NRG1: variants seen among roughly 807,000 people sequenced by gnomAD.
NRG1 encodes the protein neuregulin 1.
A neutral mutation model predicts 63.8 loss-of-function variants in NRG1; 18 were observed. That is an observed-to-expected ratio of 0.28 (90% confidence interval 0.19 to 0.42). The LOEUF is 0.42. NRG1 is among the 10% of genes least tolerant of loss of function. NRG1 has a pLI of 1.00. For missense variants in NRG1, 762 were observed against 814.7 expected, an observed-to-expected ratio of 0.94 and a Z score of 0.79; for synonymous variants, 302 against 301.3, an observed-to-expected ratio of 1.00 and a Z score of -0.02.
At chr8:31,863,483 C>G (rs562457050) in intron 1 of NRG1, among the ~76,000 whole-genome samples, 12 of 152,166 alleles carry the variant, frequency 7.9e-5, no homozygotes, top group African/African-American at 2.7e-4. Context: ...ATCACTGAAC[C>G]TGTATCCTAC....
chr8:32,647,778 A>C, intron 5 of NRG1: 1 of 1,611,178 alleles, frequency 6.2e-7, no homozygotes, highest in Non-Finnish European at 8.5e-7. Context: ...CAGCCCCTCC[A>C]CTCAGCTGAG....
At chr8:31,644,685 T>A (rs557220591) in intron 1 of NRG1, among the ~76,000 whole-genome samples, 2 of 152,270 alleles carry the variant, frequency 1.3e-5, no homozygotes, top group African/African-American at 2.4e-5. Flanking sequence ...CTTCCGGAAA[T>A]CTCCTTTGCT....
chr8:32,496,832 A>G (rs914253935), intron 1 of NRG1, among the ~76,000 whole-genome samples: 1 of 152,192 alleles, frequency 6.6e-6, no homozygotes, highest in Non-Finnish European at 1.5e-5. Flanking sequence ...TGTCTATATT[A>G]GAAATTAAAT....
chr8:31,768,082 C>T (rs1465857665), intron 1 of NRG1, among the ~76,000 whole-genome samples: 2 of 152,062 alleles, frequency 1.3e-5, no homozygotes, highest in Non-Finnish European at 2.9e-5. Flanking sequence ...ACTTTCATCA[C>T]AACAGATAAC....
chr8:32,719,717 T>C (rs1218850343), intron 5 of NRG1, among the ~76,000 whole-genome samples: 1 of 152,054 alleles, frequency 6.6e-6, no homozygotes, highest in African/African-American at 2.4e-5. Flanking sequence ...CTTTTTTCAC[T>C]CTTTGTTTGA....
chr8:32,438,573 A>G (rs1014847329), intron 1 of NRG1, among the ~76,000 whole-genome samples: 1 of 152,178 alleles, frequency 6.6e-6, no homozygotes, highest in African/African-American at 2.4e-5. Flanking sequence ...TCTAGATCTG[A>G]TAGTAATTGC....
At chr8:32,578,274 A>G (rs10954856) in intron 1 of NRG1, among the ~76,000 whole-genome samples, 31,368 of 152,134 alleles carry the variant, frequency 0.21, 3,902 homozygotes, top group Admixed American at 0.34. Context: ...GATCACAGGC[A>G]TGAGCCACCG....
intron 1 of NRG1, among the ~76,000 whole-genome samples, chr8:32,464,311 A>G (rs1349258953): frequency 1.7e-5 from 2 of 116,548 alleles, no homozygotes; most frequent in Non-Finnish European, 3.3e-5. Flanking sequence ...TGTCGTCAAC[A>G]CAGAACTGTT....
chr8:31,773,661 T>C (rs1818844133), intron 1 of NRG1, among the ~76,000 whole-genome samples: 1 of 152,208 alleles, frequency 6.6e-6, no homozygotes, highest in African/African-American at 2.4e-5. Flanking sequence ...CTCTTAGAAG[T>C]GCATGCTTTT....
At chr8:32,015,230 A>G (rs1445763255) in intron 1 of NRG1, among the ~76,000 whole-genome samples, 1 of 152,118 alleles carries the variant, frequency 6.6e-6, no homozygotes, top group Non-Finnish European at 1.5e-5. Flanking sequence ...CAAGCCCCCA[A>G]ACAAAAAAAC....
Position 32,365,830 on chromosome 8 carries a change from A to T in NRG1, c.38-229998A>T, listed in dbSNP as rs73676723. The stretch of plus-strand genomic sequence containing the variant: ...CCTTGGTGCAGAAGATTACTTAATT[A>T]TTCTAACAAAATTGATTTAGTAAAT... On this transcript the variant is annotated intron_variant, in intron 1 of 10. Coordinates refer to the NRG1 transcript ENST00000519301. Among the ~76,000 whole-genome samples, 627 of 152,326 alleles carry T rather than the reference A, an allele frequency of 4.1e-3. 6 individuals are homozygous for T. Among genetic ancestry groups the T allele is most frequent in the African/African-American group, 0.015 (603 of 41,572 alleles).
intron 1 of NRG1, among the ~76,000 whole-genome samples, chr8:32,216,474 TATTATA>T (rs1845239710): frequency 6.7e-6 from 1 of 149,072 alleles, no homozygotes; most frequent in Non-Finnish European, 1.5e-5. Context: ...ATTATCATGA[TATTATA>T]TATAAATTGG....
chr8:32,551,206 A>G (rs1432078244), intron 1 of NRG1, among the ~76,000 whole-genome samples: 1 of 152,238 alleles, frequency 6.6e-6, no homozygotes, highest in Non-Finnish European at 1.5e-5. Context: ...GCATTCCCAA[A>G]GGAACGACCT....
At chr8:31,673,832 T>A (rs1225393157) in intron 1 of NRG1, among the ~76,000 whole-genome samples, 1 of 152,178 alleles carries the variant, frequency 6.6e-6, no homozygotes, top group Non-Finnish European at 1.5e-5. Flanking sequence ...AAAATTCTCC[T>A]TTAAAGTATA....
rs559396458 is a variant in NRG1, at chr8:32,421,592, A to G, written c.38-174236A>G. ...AGTGAAGCTTAAGTTCAGTGTGATG[A>G]TTAACAAGCTATTAGAGCCAAGTTA... On this transcript the variant is annotated intron_variant, in intron 1 of 10. Transcript: ENST00000519301. Among the ~76,000 whole-genome samples, 24 of 152,354 alleles carry G rather than the reference A, an allele frequency of 1.6e-4. No homozygotes were observed. The South Asian group carries it at 5.0e-3, about 32-fold the overall frequency.
At chr8:32,528,321 C>A (rs1052081951) in intron 1 of NRG1, among the ~76,000 whole-genome samples, 1 of 152,136 alleles carries the variant, frequency 6.6e-6, no homozygotes, top group Non-Finnish European at 1.5e-5. Context: ...AGCGCTGTTT[C>A]CCTGCAATCC....
chr8:32,149,233 C>T (rs1037349485), intron 1 of NRG1, among the ~76,000 whole-genome samples: 7 of 152,212 alleles, frequency 4.6e-5, no homozygotes, highest in Admixed American at 1.3e-4. Flanking sequence ...TAAGTCTTAG[C>T]ATTCAAGAAG....
chr8:31,769,647 G>A (rs2131561882), intron 1 of NRG1, among the ~76,000 whole-genome samples: 1 of 152,266 alleles, frequency 6.6e-6, no homozygotes, highest in South Asian at 2.1e-4. Context: ...TGAAGTAGGG[G>A]TGCACACAAG....
At chr8:32,094,045 T>C (rs1332006097) in intron 1 of NRG1, among the ~76,000 whole-genome samples, 2 of 152,138 alleles carry the variant, frequency 1.3e-5, no homozygotes, top group Non-Finnish European at 2.9e-5. Flanking sequence ...AGCAGAAATA[T>C]TTTCCACTTA....
Sources: allele counts gnomAD v4.1 joint callset (sites outside exome capture counted in the v4.1 genomes callset), GRCh38; gene constraint gnomAD v4.1.1; transcripts MANE v1.5; gene names NCBI Gene and HGNC (gene_info 2026-07-23, HGNC 2026-07-21).